ANKRD42: variants seen among roughly 807,000 people sequenced by gnomAD.
ANKRD42 encodes the protein ankyrin repeat domain-containing protein 42.
In ANKRD42, 43 loss-of-function variants were observed where a neutral mutation model predicts 51.5. The ratio of observed to expected loss-of-function variants is 0.83; its 90% confidence interval spans 0.65 to 1.08. ANKRD42 has a LOEUF of 1.08. Among genes scored for constraint, ANKRD42 ranks in the 50% least tolerant of loss-of-function variants. The probability of loss-of-function intolerance (pLI) is 0.00; values close to 1 mark genes in which losing one functional copy is unlikely to be tolerated. For synonymous variants in ANKRD42, 203 were observed against 213.0 expected (o/e 0.95, Z 0.41); for missense variants, 608 against 629.3 (o/e 0.97, Z 0.36).
chr11:83,227,481 TATGAG>T (rs72153915), intron 6 of ANKRD42, among the ~76,000 whole-genome samples: 67,419 of 151,536 alleles, frequency 0.44, 15,487 homozygotes, highest in African/African-American at 0.57. Flanking sequence ...TTTGTGGTGA[TATGAG>T]AGAGAAAGAG....
chr11:83,263,236 TTAAG>T (rs1188490461), downstream of ANKRD42, among the ~76,000 whole-genome samples: 1 of 152,202 alleles, frequency 6.6e-6, no homozygotes, highest in Non-Finnish European at 1.5e-5. Flanking sequence ...AGCTGATAAA[TTAAG>T]TTTTAGATAA....
At chr11:83,196,287 T>C (rs1861649639) in intron 1 of ANKRD42, among the ~76,000 whole-genome samples, 1 of 152,208 alleles carries the variant, frequency 6.6e-6, no homozygotes, top group South Asian at 2.1e-4. Flanking sequence ...CACTGTCTGC[T>C]CAAGTCCAAG....
chr11:83,214,396 A>G (rs1590979014), intron 5 of ANKRD42: 1 of 979,060 alleles, frequency 1.0e-6, no homozygotes, highest in Non-Finnish European at 1.2e-6. Context: ...TTATTTTTGT[A>G]TTGTCCTTTA....
downstream of ANKRD42, chr11:83,261,812 G>A: frequency 1.3e-6 from 1 of 779,282 alleles, no homozygotes; most frequent in South Asian, 1.7e-5. Flanking sequence ...GAATAATCTT[G>A]TGTAGTAAAT....
At chr11:83,241,157 A>C (rs1863375530) in intron 9 of ANKRD42, among the ~76,000 whole-genome samples, 1 of 152,258 alleles carries the variant, frequency 6.6e-6, no homozygotes, top group Non-Finnish European at 1.5e-5. Context: ...AAAGTTATAT[A>C]AGAAAATACT....
In ANKRD42 at chr11:83,236,545, T is replaced by C. The variant is rs2135545315; in HGVS notation, c.1019+36T>C. The C allele has an allele frequency of 3.3e-6, 5 of 1,521,626 alleles. 1 individual carries two copies. The South Asian group carries it at 6.2e-5, about 19-fold the overall frequency. 94.3% of individuals were successfully genotyped at this position (1,521,626 alleles called of 1,614,324 possible). On this transcript the variant is annotated intron_variant, in intron 8 of 10. Coordinates refer to ENST00000533342, the MANE Select transcript of ANKRD42 (RefSeq NM_001300975.2). ...CTGTCTTCTTTACTCCTTTCTTTTC[T>C]CTTTAAAGTTTTGCGTATACTTTTT...
At chr11:83,239,440 G>T (rs116843796) in intron 8 of ANKRD42, among the ~76,000 whole-genome samples, 1 of 151,970 alleles carries the variant, frequency 6.6e-6, no homozygotes, top group Non-Finnish European at 1.5e-5. Flanking sequence ...TATGTATTAT[G>T]ATTTTGGTGT....
chr11:83,209,386 A>G, intron 3 of ANKRD42: 1 of 1,556,228 alleles, frequency 6.4e-7, no homozygotes, highest in Non-Finnish European at 8.7e-7. Context: ...GCAGGCTAGC[A>G]AACCGAGCGA....
At chr11:83,236,774 A>G (rs983988977) in intron 8 of ANKRD42, among the ~76,000 whole-genome samples, 1 of 152,166 alleles carries the variant, frequency 6.6e-6, no homozygotes. Context: ...TGTCACAATG[A>G]CCAGAGACCT....
At chr11:83,255,949 A>C (rs1216773007) in exon 12 of ANKRD42, 4 of 1,499,224 alleles carry the variant, frequency 2.7e-6, no homozygotes, top group Non-Finnish European at 3.5e-6. Context: ...TGAAATAACT[A>C]AATTGACCTG....
chr11:83,214,520 A>T, intron 5 of ANKRD42: 1 of 981,292 alleles, frequency 1.0e-6, no homozygotes, highest in Non-Finnish European at 1.2e-6. Context: ...TTATAATAAT[A>T]TAGATGTTAA....
chr11:83,212,676 C>G, intron 5 of ANKRD42: 2 of 1,536,086 alleles, frequency 1.3e-6, no homozygotes, highest in Non-Finnish European at 8.7e-7. Context: ...CCCTGTGGAG[C>G]CTCTGATTCC....
chr11:83,227,502 G>A (rs1444595089), intron 6 of ANKRD42, among the ~76,000 whole-genome samples: 1 of 152,092 alleles, frequency 6.6e-6, no homozygotes, highest in African/African-American at 2.4e-5. Flanking sequence ...AAGAGAGTAT[G>A]GCTAAAAATT....
chr11:83,241,410 GTAAA>G (rs951869906), intron 9 of ANKRD42, among the ~76,000 whole-genome samples: 1 of 152,102 alleles, frequency 6.6e-6, no homozygotes, highest in African/African-American at 2.4e-5. Flanking sequence ...GATATATAAA[GTAAA>G]TAGAGTAGAG....
In ANKRD42 at chr11:83,225,014, A is replaced by G. The variant is rs1565188683; in HGVS notation, c.746A>G (p.Gln249Arg). The change falls in exon 6 of 11, where the codon CAG becomes CGG. Residue 249 changes from glutamine (Q) to arginine (R), a missense_variant. Physicochemically the swap from Gln to Arg is conservative, Grantham distance 43. Coordinates refer to ENST00000533342, the MANE Select transcript of ANKRD42 (RefSeq NM_001300975.2). ...FFKQNILQFI[Q>R]GAEYEGKDLE... Reference sequence around the variant, plus strand: ...AAGCAGAACATTTTACAGTTTATCCAGGGGGCTGAGTATGAAGGAAAAGAC... The same window carrying G: ...AAGCAGAACATTTTACAGTTTATCCGGGGGGCTGAGTATGAAGGAAAAGAC... The G allele has an allele frequency of 2.5e-6, 4 of 1,612,960 alleles. No individual in the cohort carries two copies. The highest frequency in any genetic ancestry group is 3.4e-6 in the Non-Finnish European group (4 of 1,179,310).
chr11:83,263,295 A>G (rs1292718315), downstream of ANKRD42, among the ~76,000 whole-genome samples: 1 of 152,194 alleles, frequency 6.6e-6, no homozygotes, highest in Admixed American at 6.5e-5. Context: ...CTACTTCAGT[A>G]GAGTATACAA....
chr11:83,230,706 C>T (rs1393888175), intron 7 of ANKRD42, among the ~76,000 whole-genome samples: 1 of 152,148 alleles, frequency 6.6e-6, no homozygotes, highest in African/African-American at 2.4e-5. Flanking sequence ...CCTGCCTCAG[C>T]CTCCCGAGTA....
intron 3 of ANKRD42, chr11:83,209,383 A>C: frequency 1.3e-6 from 2 of 1,552,092 alleles, no homozygotes; most frequent in Non-Finnish European, 8.7e-7. Context: ...GCTGCAGGCT[A>C]GCAAACCGAG....
chr11:83,233,240 CTT>C (rs1250268857), intron 7 of ANKRD42, among the ~76,000 whole-genome samples: 1 of 146,924 alleles, frequency 6.8e-6, no homozygotes, highest in Non-Finnish European at 1.5e-5. Context: ...AACTGGGAGA[CTT>C]TTTATTATGG....
Sources: allele counts gnomAD v4.1 joint callset (sites outside exome capture counted in the v4.1 genomes callset), GRCh38; gene constraint gnomAD v4.1.1; transcripts MANE v1.5; gene names NCBI Gene and HGNC (gene_info 2026-07-23, HGNC 2026-07-21).